The following PTPRT variants were observed in gnomAD, a reference collection of about 807,000 sequenced individuals.
The protein encoded by PTPRT is protein tyrosine phosphatase receptor type T, also known as receptor-type tyrosine-protein phosphatase T.
In PTPRT, 56 loss-of-function variants were observed where a neutral mutation model predicts 176.8. The ratio of observed to expected loss-of-function variants is 0.32; its 90% confidence interval spans 0.26 to 0.40. PTPRT has a LOEUF of 0.40. PTPRT is among the 10% of genes least tolerant of loss of function. PTPRT has a pLI of 1.00. For synonymous variants in PTPRT, 783 were observed against 739.0 expected (o/e 1.06, Z -0.96); for missense variants, 1,540 against 1,908.2 (o/e 0.81, Z 3.60).
intron 2 of PTPRT, among the ~76,000 whole-genome samples, chr20:42,858,126 C>T (rs1215357050): frequency 2.6e-5 from 4 of 152,126 alleles, no homozygotes; most frequent in Non-Finnish European, 4.4e-5. Flanking sequence ...ACCTGTCTAC[C>T]TATTAGACCC....
At position 43,180,786 on chromosome 20, in the gene PTPRT, G is replaced by A. The variant is rs1400211512; in HGVS notation, c.88+8860C>T. 2.0e-5 allele frequency among the ~76,000 whole-genome samples: 3 copies of A among 152,200 alleles called. No individual in the cohort carries two copies. The East Asian group carries it at 5.8e-4, about 29-fold the overall frequency. On this transcript the variant is annotated intron_variant, in intron 1 of 30. Transcript: ENST00000373187. ...CCAATATATAATATACATTTAAAAT[G>A]TGATATATAATATATATGCCCTATT...
chr20:42,143,028 G>A (rs1988698613), intron 17 of PTPRT, among the ~76,000 whole-genome samples: 2 of 152,324 alleles, frequency 1.3e-5, no homozygotes, highest in African/African-American at 4.8e-5. Flanking sequence ...CTGGAGTGTT[G>A]TGAAGAGGGA....
In PTPRT at chr20:42,727,209, G is replaced by A. The variant is rs141167728; in HGVS notation, c.859+29253C>T. Among the ~76,000 whole-genome samples, 184 of 152,136 alleles carry A rather than the reference G, an allele frequency of 1.2e-3. 1 individual carries two copies. The Middle Eastern group carries it at 0.024, about 20-fold the overall frequency. ...TCTCATTTGGGCCTCCATCCCCCCC[G>A]TTCCAATGCAAGCAAAAAAAGAGGG... On this transcript the variant is annotated intron_variant, in intron 6 of 30. Coordinates refer to ENST00000373187, the MANE Select transcript of PTPRT (RefSeq NM_007050.6).
chr20:42,272,106 G>A (rs965081784), intron 13 of PTPRT, among the ~76,000 whole-genome samples: 14 of 152,122 alleles, frequency 9.2e-5, no homozygotes, highest in African/African-American at 3.1e-4. Context: ...GCAGCCATGA[G>A]CTATAAATGC....
chr20:42,745,490 G>A (rs956312138), intron 6 of PTPRT, among the ~76,000 whole-genome samples: 7 of 152,246 alleles, frequency 4.6e-5, no homozygotes, highest in Non-Finnish European at 1.0e-4. Context: ...CTCTCCCATC[G>A]TGACAATCCA....
chr20:42,664,961 A>C (rs1400844124), intron 7 of PTPRT, among the ~76,000 whole-genome samples: 1 of 152,250 alleles, frequency 6.6e-6, no homozygotes, highest in African/African-American at 2.4e-5. Context: ...AGATGGATTA[A>C]AGACTTAAAT....
chr20:42,575,626 T>C (rs1768322170), intron 7 of PTPRT, among the ~76,000 whole-genome samples: 1 of 152,186 alleles, frequency 6.6e-6, no homozygotes, highest in Admixed American at 6.5e-5. Flanking sequence ...GCTCTGTTTA[T>C]TGGAACATTC....
At chr20:43,073,555 T>A (rs1482075039) in intron 1 of PTPRT, among the ~76,000 whole-genome samples, 4 of 151,718 alleles carry the variant, frequency 2.6e-5, no homozygotes, top group Non-Finnish European at 5.9e-5. Context: ...ATGTGTTTTT[T>A]ATATATATAA....
intron 13 of PTPRT, among the ~76,000 whole-genome samples, chr20:42,255,857 C>A (rs889555388): frequency 7.2e-5 from 11 of 152,134 alleles, no homozygotes; most frequent in African/African-American, 2.7e-4. Context: ...AGAAAGCAAC[C>A]CGGCTCTCAG....
At chr20:42,384,441 C>A (rs931180045) in intron 9 of PTPRT, among the ~76,000 whole-genome samples, 1 of 152,112 alleles carries the variant, frequency 6.6e-6, no homozygotes, top group East Asian at 1.9e-4. Context: ...GAGGGTGTTT[C>A]CATCTAAGGA....
chr20:42,799,752 C>T (rs1024510979), intron 2 of PTPRT, among the ~76,000 whole-genome samples: 1 of 152,232 alleles, frequency 6.6e-6, no homozygotes, highest in Non-Finnish European at 1.5e-5. Flanking sequence ...TTTAACCACA[C>T]ACTGCCCCGT....
rs568016013 is a variant in PTPRT at position 43,061,526 on chromosome 20, T to C, written c.88+128120A>G. ...CTAGATGTCATCTTTTAAGTATGTG[T>C]CCTCAACGAATGGGCTCTGGGCAGC... On this transcript the variant is annotated intron_variant, in intron 1 of 30. Transcript: ENST00000373187. Among the ~76,000 whole-genome samples the C allele has an allele frequency of 9.2e-5, 14 of 152,338 alleles. No homozygotes were observed. In the East Asian group the frequency reaches 2.5e-3, roughly 27 times the overall value.
intron 15 of PTPRT, among the ~76,000 whole-genome samples, chr20:42,212,745 A>G (rs1259893246): frequency 6.6e-6 from 1 of 152,250 alleles, no homozygotes; most frequent in African/African-American, 2.4e-5. Context: ...GTATGCACAC[A>G]GTAAGCACTC....
At chr20:42,760,757 A>T (rs2076904034) in intron 5 of PTPRT, among the ~76,000 whole-genome samples, 1 of 152,146 alleles carries the variant, frequency 6.6e-6, no homozygotes, top group Non-Finnish European at 1.5e-5. Flanking sequence ...ACTTGTTAGA[A>T]ATGTAAATTT....
chr20:43,106,666 G>GAAAAAAAAAAAAAAAAA (rs71193676), intron 1 of PTPRT, among the ~76,000 whole-genome samples: 1 of 87,002 alleles, frequency 1.1e-5, no homozygotes, highest in Non-Finnish European at 2.0e-5. Flanking sequence ...CTCAAAAAAA[G>GAAAAAAAAAAAAAAAAA]AAAAAAAAAA....
chr20:42,157,466 C>T (rs1375569438), intron 17 of PTPRT, among the ~76,000 whole-genome samples: 1 of 151,936 alleles, frequency 6.6e-6, no homozygotes, highest in Non-Finnish European at 1.5e-5. Context: ...CTGCCTCAGC[C>T]TCCAGAGTAC....
intron 7 of PTPRT, among the ~76,000 whole-genome samples, chr20:42,508,126 T>TGCG (rs61231761): frequency 1.4e-5 from 2 of 147,440 alleles, no homozygotes; most frequent in African/African-American, 5.1e-5. Context: ...AATTACCCTT[T>TGCG]TTGTGTGTGT....
At position 42,283,438 on chromosome 20, in the gene PTPRT, T is replaced by G. The variant is rs937024577; in HGVS notation, c.2140-913A>C. 2.0e-5 allele frequency among the ~76,000 whole-genome samples: 3 copies of G among 152,116 alleles called. No individual in the cohort carries two copies. The East Asian group carries it at 5.8e-4, about 29-fold the overall frequency. On this transcript the variant is annotated intron_variant, in intron 12 of 30. Coordinates refer to ENST00000373187, the MANE Select transcript of PTPRT (RefSeq NM_007050.6). ...CTCATTCACAAAGAACCATTGCATC[T>G]TGAAGGGATTGGTGGCAATCAGGAT...
intron 9 of PTPRT, among the ~76,000 whole-genome samples, chr20:42,375,765 A>C (rs2058643589): frequency 6.6e-6 from 1 of 152,238 alleles, no homozygotes; most frequent in African/African-American, 2.4e-5. Flanking sequence ...AAAGGAAGTG[A>C]ATGATAGATG....
Sources: gnomAD v4.1 joint callset for allele counts (sites outside exome capture counted in the v4.1 genomes callset) on GRCh38, gnomAD v4.1.1 for gene constraint, MANE v1.5 for transcripts, NCBI Gene and HGNC (gene_info 2026-07-23, HGNC 2026-07-21) for gene names.